The following ANKRD24 variants were observed in gnomAD, a reference collection of about 807,000 sequenced individuals.
ANKRD24 encodes the protein ankyrin repeat domain 24.
In ANKRD24, 109 loss-of-function variants were observed where a neutral mutation model predicts 127.8. That is an observed-to-expected ratio of 0.85 (90% confidence interval 0.73 to 1.00). The LOEUF is 1.00. Ranked by LOEUF, ANKRD24 falls within the 50% of genes least tolerant of loss-of-function variation. The probability of loss-of-function intolerance (pLI) is 0.00; values close to 1 mark genes in which losing one functional copy is unlikely to be tolerated. For missense variants in ANKRD24, 1,648 were observed against 1,570.2 expected (o/e 1.05, Z -0.84); for synonymous variants, 743 against 671.1 (o/e 1.11, Z -1.66).
rs1182395595 is a variant in ANKRD24 at position 4,198,473 on chromosome 19, G to A, written c.37-1210G>A. The A allele has an allele frequency of 3.2e-6, 2 of 616,166 alleles. No homozygotes were observed. The highest frequency in any genetic ancestry group is 5.8e-6 in the Non-Finnish European group (2 of 342,378). The allele number at this position is 616,166 out of a possible 1,614,324, so 38.2% of individuals were successfully genotyped here. ...CCTCTTGGAACCCCGTGCGCCCCCCGCGCCCCGCGCCCCGGACGCCATGAA... is the reference window on the plus strand; with the variant it reads ...CCTCTTGGAACCCCGTGCGCCCCCCACGCCCCGCGCCCCGGACGCCATGAA... On this transcript the variant is annotated intron_variant, in intron 2 of 21. Coordinates refer to ENST00000318934, the MANE Select transcript of ANKRD24 (RefSeq NM_001393985.1). This position sits in a 1 kb window ranked among gnomAD's most constrained non-coding sequence, Gnocchi z 6.1.
In ANKRD24 at chr19:4,217,556, G is replaced by A; in HGVS notation, c.2396G>A (p.Arg799Gln). The change falls in exon 18 of 22, where the codon CGA (arginine) becomes CAA (glutamine). Residue 799 changes from arginine to glutamine, a missense_variant. Arg to Gln is a conservative substitution (Grantham distance 43). Coordinates refer to ENST00000318934, the MANE Select transcript of ANKRD24 (RefSeq NM_001393985.1). ...CTGGAGCAGGCCCGGGAGGACCTCCGAGACCGGGACTCCCGCCTGCGGGAG... is the reference window on the plus strand; with the variant it reads ...CTGGAGCAGGCCCGGGAGGACCTCCAAGACCGGGACTCCCGCCTGCGGGAG... ...AALEQAREDL[R>Q]DRDSRLRELE... 1.5e-6 allele frequency: 2 copies of A among 1,319,872 alleles called. No homozygotes were observed. The highest frequency in any genetic ancestry group is 1.9e-6 in the Non-Finnish European group (2 of 1,039,608). 81.8% of individuals were successfully genotyped at this position (1,319,872 alleles called of 1,614,324 possible).
Position 4,200,017 on chromosome 19 carries a change from C to A in ANKRD24, c.254+12C>A. The A allele has an allele frequency of 6.4e-7, 1 of 1,562,732 alleles. No individual in the cohort carries two copies. Among genetic ancestry groups the A allele is most frequent in the East Asian group, 2.4e-5 (1 of 42,036 alleles). Reference sequence around the variant, plus strand: ...GAGGGCAAGTCCGCGTGAGTGCCCGCGACCCGGGAGTGAGATGGCTGAGGG... The same window carrying A: ...GAGGGCAAGTCCGCGTGAGTGCCCGAGACCCGGGAGTGAGATGGCTGAGGG... On this transcript the variant is annotated intron_variant, in intron 4 of 21. Transcript: ENST00000318934.
chr19:4,189,972 G>T (rs1213557690), intron 2 of ANKRD24, among the ~76,000 whole-genome samples: 2 of 152,162 alleles, frequency 1.3e-5, no homozygotes, highest in Non-Finnish European at 2.9e-5. Context: ...GAGACAGACA[G>T]CGGGAGAGAA....
rs185198379 is a variant in ANKRD24 at position 4,183,949 on chromosome 19, G to A, written c.-37+1209G>A. On this transcript the variant is annotated intron_variant, in intron 1 of 21. Transcript: ENST00000318934. ...AATAAATAAAGAGTGCATGAGTCAGGTAGAGCCGGTTGGGGTGACATGAAG... is the reference window on the plus strand; with the variant it reads ...AATAAATAAAGAGTGCATGAGTCAGATAGAGCCGGTTGGGGTGACATGAAG... Among the ~76,000 whole-genome samples the A allele has an allele frequency of 1.2e-4, 18 of 152,294 alleles. No homozygotes were observed. The East Asian group carries it at 2.9e-3, about 24-fold the overall frequency.
intron 19 of ANKRD24, among the ~76,000 whole-genome samples, chr19:4,221,404 T>G (rs1255863420): frequency 2.0e-5 from 3 of 151,796 alleles, no homozygotes; most frequent in Non-Finnish European, 4.4e-5. Context: ...TTTGTTTGTT[T>G]GTTTGGTAAG....
chr19:4,217,269 G>A lies in ANKRD24; in HGVS notation c.2109G>A (p.Gly703=), dbSNP rs754185870. ...CAGGGGTAGAGGCCACGGTCCCGGG[G>A]ATCTCTGCTGGCCCCATCCTACATC... The part of the protein sequence containing the change: ...ENPGVEATVP[G]ISAGPILHPG... The change falls in exon 18 of 22, where the codon GGG becomes GGA. Residue 703 remains glycine, a synonymous_variant. Coordinates refer to ENST00000318934, the MANE Select transcript of ANKRD24 (RefSeq NM_001393985.1). The A allele has an allele frequency of 1.3e-6, 2 of 1,564,804 alleles. No homozygotes were observed. Among genetic ancestry groups the A allele is most frequent in the South Asian group, 1.2e-5 (1 of 85,260 alleles).
At chr19:4,202,407 A>C (rs932199463) in intron 6 of ANKRD24, among the ~76,000 whole-genome samples, 1 of 152,044 alleles carries the variant, frequency 6.6e-6, no homozygotes, top group African/African-American at 2.4e-5. Context: ...CGTCTCTACT[A>C]AAAATACAAA....
chr19:4,220,699 C>A (rs1354898075), intron 19 of ANKRD24, among the ~76,000 whole-genome samples: 3 of 151,128 alleles, frequency 2.0e-5, no homozygotes, highest in Non-Finnish European at 4.4e-5. Flanking sequence ...GGACTACAGG[C>A]GCCTGCCACC....
rs1198938725 is a variant in ANKRD24 at position 4,202,873 on chromosome 19, C to T, written c.413C>T (p.Ser138Phe). The T allele has an allele frequency of 1.3e-6, 2 of 1,589,910 alleles. No individual in the cohort carries two copies. Among genetic ancestry groups the T allele is most frequent in the African/African-American group, 2.7e-5 (2 of 74,346 alleles). The change falls in exon 7 of 22, where the codon TCC becomes TTC. Residue 138 changes from serine (S) to phenylalanine (F), a missense_variant. Ser to Phe is a radical substitution (Grantham distance 155, BLOSUM62 -2). Coordinates refer to ENST00000318934, the MANE Select transcript of ANKRD24 (RefSeq NM_001393985.1). ...AAGGACTCGCCCCATCCCCAGGCTT[C>T]CTGCGTGGTGGACGTCGTGGACAGC... ...PQCLKQLLQA[S>F]CVVDVVDSSG...
intron 1 of ANKRD24, chr19:4,183,454 G>T (rs1328219857): frequency 3.1e-6 from 2 of 641,950 alleles, no homozygotes; most frequent in Non-Finnish European, 3.9e-6. Flanking sequence ...TGGTGGCTGC[G>T]GGTGGACACA....
rs1376263787 is a variant in ANKRD24, at chr19:4,216,366, C to T, written c.1353C>T (p.Leu451=). 2 of 1,573,788 alleles carry T rather than the reference C, an allele frequency of 1.3e-6. No individual in the cohort carries two copies. Among genetic ancestry groups the T allele is most frequent in the Non-Finnish European group, 8.6e-7 (1 of 1,159,852 alleles). The stretch of plus-strand genomic sequence containing the variant: ...CGCTGCAGGAACAGGTGGCTGTGCT[C>T]ACCAGACAGAACCAGGAACTGATGG... ...LASLQEQVAV[L]TRQNQELMEK... is the part of the protein sequence containing the mutation. Residue 451 remains leucine (L), a synonymous_variant, in exon 17 of 22, where the codon CTC becomes CTT. Coordinates refer to ENST00000318934, the MANE Select transcript of ANKRD24 (RefSeq NM_001393985.1).
Position 4,218,749 on chromosome 19 carries a change from CTTTCT to C in ANKRD24, c.3003+590_3003+594del, listed in dbSNP as rs1478538564. Among the ~76,000 whole-genome samples the C allele has an allele frequency of 1.4e-3, 183 of 133,210 alleles. 3 individuals are homozygous for C. Among genetic ancestry groups the C allele is most frequent in the African/African-American group, 5.0e-3 (164 of 32,512 alleles). 87.4% of individuals were successfully genotyped at this position (133,210 alleles called of 152,430 possible). On this transcript the variant is annotated intron_variant, in intron 18 of 21. Coordinates refer to ENST00000318934, the MANE Select transcript of ANKRD24 (RefSeq NM_001393985.1). ...TCCCTCCCCCCTTCCCCTTCCCTTC[CTTTCT>C]TTTTTTTTTTTTTTCAGACAGGGTG...
Position 4,207,772 on chromosome 19 carries a change from C to T in ANKRD24, c.645-9C>T. 1.3e-6 allele frequency: 2 copies of T among 1,569,070 alleles called. No individual in the cohort carries two copies. Among genetic ancestry groups the T allele is most frequent in the African/African-American group, 1.4e-5 (1 of 73,680 alleles). On this transcript the variant is annotated splice_polypyrimidine_tract_variant and intron_variant, in intron 9 of 21. Coordinates refer to ENST00000318934, the MANE Select transcript of ANKRD24 (RefSeq NM_001393985.1). ...TTCTCATCTCCTCAGTAGCCCCCTC[C>T]CCTGGTAGGACGGCCCTGATGCTGG...
In ANKRD24 at chr19:4,212,643, A is replaced by C. The variant is rs559227896; in HGVS notation, c.1142A>C (p.Lys381Thr). The change falls in exon 15 of 22, where the codon AAG becomes ACG. Residue 381 changes from lysine (K) to threonine (T), a missense_variant. By Grantham distance (78) the Lys-to-Thr change is moderately conservative (BLOSUM62 -1). Transcript: ENST00000318934. ...QQLLVERQEE[K>T]ESLGREVESL... ...TTGCTGGTGGAGAGACAAGAGGAGA[A>C]GGAGAGCCTGGGACGGGAGGTGGAG... 2 of 1,551,088 alleles carry C rather than the reference A, an allele frequency of 1.3e-6. No homozygotes were observed. The highest frequency in any genetic ancestry group is 1.7e-6 in the Non-Finnish European group (2 of 1,146,880).
chr19:4,216,719 G>C lies in ANKRD24; in HGVS notation c.1559G>C (p.Arg520Thr), dbSNP rs1970096029. The change falls in exon 18 of 22, where the codon AGA becomes ACA. Residue 520 changes from arginine (R) to threonine (T), a missense_variant. Physicochemically the swap from Arg to Thr is moderately conservative, Grantham distance 71. Coordinates refer to ENST00000318934, the MANE Select transcript of ANKRD24 (RefSeq NM_001393985.1). Reference protein sequence around the residue: ...LRQQETREVPREEGAACGESE... With the variant: ...LRQQETREVPTEEGAACGESE... ...CAGCAGGAGACACGAGAGGTCCCCA[G>C]AGAAGAGGGGGCAGCCTGTGGGGAG... 1 of 1,577,936 alleles carries C rather than the reference G, an allele frequency of 6.3e-7. No individual in the cohort carries two copies. Among genetic ancestry groups the C allele is most frequent in the Admixed American group, 1.9e-5 (1 of 53,254 alleles).
At position 4,196,188 on chromosome 19, in the gene ANKRD24, G is replaced by A. The variant is rs149783648; in HGVS notation, c.37-3495G>A. 1.1e-3 allele frequency among the ~76,000 whole-genome samples: 165 copies of A among 152,276 alleles called. No homozygotes were observed. The East Asian group carries it at 0.028, about 26-fold the overall frequency. ...GTCCTATTATCTATCTCATTTAACC[G>A]TTGAGAAATTGAGAGGGAGAATTTC... is the stretch of plus-strand genomic sequence containing the variant. On this transcript the variant is annotated intron_variant, in intron 2 of 21. Coordinates refer to ENST00000318934, the MANE Select transcript of ANKRD24 (RefSeq NM_001393985.1).
Position 4,199,281 on chromosome 19 carries a change from G to C in ANKRD24, c.37-402G>C, listed in dbSNP as rs1227146511. Among the ~76,000 whole-genome samples, 1 of 152,078 alleles carries C rather than the reference G, an allele frequency of 6.6e-6. No individual in the cohort carries two copies. The highest frequency in any genetic ancestry group is 1.5e-5 in the Non-Finnish European group (1 of 68,008). Reference sequence around the variant, plus strand: ...TTTATTGTACAGAGTGGGTCTTGCTGTGTTGCCTAGGCTGGTCTCAAAATT... The same window carrying C: ...TTTATTGTACAGAGTGGGTCTTGCTCTGTTGCCTAGGCTGGTCTCAAAATT... On this transcript the variant is annotated intron_variant, in intron 2 of 21. Coordinates refer to ENST00000318934, the MANE Select transcript of ANKRD24 (RefSeq NM_001393985.1). The surrounding 1 kb of genome is among the most constrained non-coding windows in gnomAD (Gnocchi z 5.2).
At chr19:4,223,401 A>ATTTTTTTTT (rs1173862080) in intron 20 of ANKRD24, among the ~76,000 whole-genome samples, 1 of 53,344 alleles carries the variant, frequency 1.9e-5, no homozygotes, top group African/African-American at 9.5e-5. Flanking sequence ...ATATATATAT[A>ATTTTTTTTT]TTTTTTTTTT....
At chr19:4,224,401 G>A in intron 21 of ANKRD24, 27 bp from the exon 22 acceptor site, 1 of 1,609,282 alleles carries the variant, frequency 6.2e-7, no homozygotes, top group Non-Finnish European at 8.5e-7. Flanking sequence ...GTATACTCAG[G>A]GTCTTCCTCT....
Sources: allele counts gnomAD v4.1 joint callset (sites outside exome capture counted in the v4.1 genomes callset), GRCh38; gene constraint gnomAD v4.1.1; non-coding constraint Gnocchi (gnomAD v3.1); transcripts MANE v1.5; gene names NCBI Gene and HGNC (gene_info 2026-07-23, HGNC 2026-07-21).